Variants in PCDH11X observed in about 807,000 individuals in gnomAD.
PCDH11X encodes protocadherin-11 X-linked.
A neutral mutation model predicts 53.3 loss-of-function variants in PCDH11X; 18 were observed. The ratio of observed to expected loss-of-function variants is 0.34; its 90% CI spans 0.23 to 0.50. The LOEUF (loss-of-function observed/expected upper bound fraction) is 0.50. Among genes scored for constraint, PCDH11X ranks in the 20% least tolerant of loss-of-function variants. The probability of loss-of-function intolerance (pLI) is 0.98; values close to 1 mark genes in which losing one functional copy is unlikely to be tolerated. For missense variants in PCDH11X, 570 were observed against 1,032.4 expected, an observed-to-expected ratio of 0.55 and a Z score of 6.14; for synonymous variants, 279 against 393.3, an observed-to-expected ratio of 0.71 and a Z score of 3.44.
intron 9 of PCDH11X, chrX:92,459,808 G>C (rs1603333498): frequency 8.5e-7 from 1 of 1,181,031 alleles, no homozygotes; most frequent in East Asian, 3.0e-5. Flanking sequence ...CCGGATCTCC[G>C]TGTCCCGCTC....
chrX:91,875,229 T>G (rs1406105589), intron 5 of PCDH11X, among the ~76,000 whole-genome samples: 1 of 108,588 alleles, frequency 9.2e-6, no homozygotes, highest in African/African-American at 3.4e-5. Flanking sequence ...GCTGGCAAGA[T>G]CACTACGTTT....
At chrX:92,312,354 G>C (rs2068968510) in intron 8 of PCDH11X, among the ~76,000 whole-genome samples, 1 of 110,684 alleles carries the variant, frequency 9.0e-6, no homozygotes, top group South Asian at 3.8e-4. Context: ...TTAGTATGTA[G>C]TATGAAAAAA....
At chrX:92,168,869 G>C (rs2065777447) in intron 6 of PCDH11X, among the ~76,000 whole-genome samples, 1 of 111,368 alleles carries the variant, frequency 9.0e-6, no homozygotes, top group Non-Finnish European at 1.9e-5. Context: ...GCCATTATAA[G>C]GTCTGCTTTG....
At chrX:92,188,101 T>C (rs148848937) in intron 6 of PCDH11X, among the ~76,000 whole-genome samples, 243 of 111,519 alleles carry the variant, frequency 2.2e-3, no homozygotes, top group African/African-American at 7.7e-3. Flanking sequence ...AGAACCTATG[T>C]GGCAGAGGTC....
At chrX:91,943,638 T>A (rs897509104) in intron 6 of PCDH11X, among the ~76,000 whole-genome samples, 4 of 100,231 alleles carry the variant, frequency 4.0e-5, no homozygotes, top group African/African-American at 1.4e-4. Context: ...GCTAACGTCA[T>A]AATAATGGTG....
At chrX:92,263,026 ATG>A in intron 7 of PCDH11X, 86 bp from the exon 8 acceptor site, 1 of 901,673 alleles carries the variant, frequency 1.1e-6, no homozygotes. Flanking sequence ...AAAAAAAAAA[ATG>A]TATTTGCAGT....
At chrX:92,205,597 G>GTT (rs5902997) in intron 7 of PCDH11X, among the ~76,000 whole-genome samples, 8 of 68,429 alleles carry the variant, frequency 1.2e-4, no homozygotes, top group African/African-American at 2.6e-4. Context: ...CTAAATCAAT[G>GTT]TTTTTTTTTT....
At chrX:92,220,948 A>G (rs1416694763) in intron 7 of PCDH11X, among the ~76,000 whole-genome samples, 1 of 103,849 alleles carries the variant, frequency 9.6e-6, no homozygotes, top group African/African-American at 3.5e-5. Flanking sequence ...CTATCACAAG[A>G]ACAAAAAACC....
At chrX:92,423,152 AT>A (rs2072018308) in intron 9 of PCDH11X, among the ~76,000 whole-genome samples, 1 of 86,079 alleles carries the variant, frequency 1.2e-5, no homozygotes, top group Non-Finnish European at 2.7e-5. Context: ...GCCCAGCCTG[AT>A]TTTTTTATTA....
At chrX:92,428,652 T>G (rs2072181371) in intron 9 of PCDH11X, among the ~76,000 whole-genome samples, 1 of 111,381 alleles carries the variant, frequency 9.0e-6, no homozygotes, top group Non-Finnish European at 1.9e-5. Flanking sequence ...TCTTGTACAT[T>G]TACTTACTTA....
intron 8 of PCDH11X, among the ~76,000 whole-genome samples, chrX:92,264,695 C>A (rs1052781006): frequency 9.1e-6 from 1 of 110,401 alleles, no homozygotes; most frequent in African/African-American, 3.3e-5. Context: ...ATTTTTCTAG[C>A]TTAGTGAATA....
chrX:92,072,679 C>G (rs750198486), intron 6 of PCDH11X, among the ~76,000 whole-genome samples: 19 of 111,283 alleles, frequency 1.7e-4, no homozygotes, highest in Admixed American at 1.4e-3. Flanking sequence ...AATACAAAGT[C>G]TTCTTTATTC....
At chrX:92,332,622 A>G (rs2069517835) in intron 8 of PCDH11X, among the ~76,000 whole-genome samples, 1 of 112,301 alleles carries the variant, frequency 8.9e-6, no homozygotes, top group South Asian at 3.6e-4. Flanking sequence ...GATAAATGAC[A>G]ACTTATCCTT....
At chrX:92,021,204 G>T (rs2062879120) in intron 6 of PCDH11X, among the ~76,000 whole-genome samples, 1 of 111,730 alleles carries the variant, frequency 9.0e-6, no homozygotes, top group Admixed American at 9.5e-5. Context: ...ACTGACAGAA[G>T]TATACTTCAG....
intron 6 of PCDH11X, among the ~76,000 whole-genome samples, chrX:92,033,358 A>C (rs1602721751): frequency 1.0e-5 from 1 of 95,277 alleles, no homozygotes; most frequent in African/African-American, 4.0e-5. Flanking sequence ...CAGTGAAGCC[A>C]TTGGGTCCCA....
At chrX:92,267,156 C>T (rs2067851009) in intron 8 of PCDH11X, among the ~76,000 whole-genome samples, 1 of 111,897 alleles carries the variant, frequency 8.9e-6, no homozygotes, top group South Asian at 3.7e-4. Flanking sequence ...ACCAGCTTTC[C>T]CTTATTTAGC....
chrX:91,974,705 G>A (rs1352374998), intron 6 of PCDH11X, among the ~76,000 whole-genome samples: 2 of 109,297 alleles, frequency 1.8e-5, no homozygotes, highest in Non-Finnish European at 3.8e-5. Context: ...TGGAGACATG[G>A]CAGGCCTTTG....
chrX:92,017,794 C>T (rs1215143409), intron 6 of PCDH11X, among the ~76,000 whole-genome samples: 12 of 98,265 alleles, frequency 1.2e-4, no homozygotes, highest in Non-Finnish European at 2.2e-4. Context: ...ACAAAGTGAG[C>T]ATTGGCTGTT....
In PCDH11X at chrX:92,622,226, C is replaced by T. The variant is rs1280553732; in HGVS notation, c.*3286C>T. ...TGGTAGCAGTTACAAAGAGCCTCTGCCTTCCCAAACTAATATTTATCACAC... is the reference window on the plus strand; with the variant it reads ...TGGTAGCAGTTACAAAGAGCCTCTGTCTTCCCAAACTAATATTTATCACAC... On this transcript the variant is annotated 3_prime_UTR_variant, in exon 11 of 11. Transcript: ENST00000682573. 9.8e-6 allele frequency: 1 copy of T among 101,855 alleles called. No individual in the cohort carries two copies. The highest frequency in any genetic ancestry group is 2.0e-5 in the Non-Finnish European group (1 of 50,230). The allele number at this position is 101,855 out of a possible 1,213,427, so 8.4% of individuals were successfully genotyped here.
Sources: allele counts gnomAD v4.1 joint callset (sites outside exome capture counted in the v4.1 genomes callset), GRCh38; gene constraint gnomAD v4.1.1; transcripts MANE v1.5; gene names NCBI Gene and HGNC (gene_info 2026-07-23, HGNC 2026-07-21).